The following MCTP1 variants were observed in gnomAD, a reference collection of about 807,000 sequenced individuals.
The protein encoded by MCTP1 is multiple C2 and transmembrane domain-containing protein 1.
Under a neutral mutation model 120.6 loss-of-function variants are expected in MCTP1, and 69 were observed. The ratio of observed to expected loss-of-function variants is 0.57; its 90% CI spans 0.47 to 0.70. The LOEUF (loss-of-function observed/expected upper bound fraction) is 0.70. Among genes scored for constraint, MCTP1 ranks in the 30% least tolerant of loss-of-function variants. The pLI, the probability that MCTP1 is intolerant of heterozygous loss-of-function variation, is 0.00. For missense variants in MCTP1, 1,203 were observed against 1,248.8 expected, an observed-to-expected ratio of 0.96 and a Z score of 0.55; for synonymous variants, 529 against 493.1, an observed-to-expected ratio of 1.07 and a Z score of -0.96.
intron 19 of MCTP1, among the ~76,000 whole-genome samples, chr5:94,767,507 A>G (rs1234209866): frequency 6.6e-6 from 1 of 152,192 alleles, no homozygotes; most frequent in Non-Finnish European, 1.5e-5. Context: ...TTATATATAG[A>G]AAAACCTAAA....
intron 17 of MCTP1, among the ~76,000 whole-genome samples, chr5:94,833,524 T>C (rs1352115415): frequency 3.3e-4 from 51 of 152,300 alleles, no homozygotes; most frequent in Non-Finnish European, 2.9e-5. Flanking sequence ...GGTGGAACCA[T>C]TTTTATATTT....
chr5:95,015,308 C>G (rs146755086), intron 2 of MCTP1, among the ~76,000 whole-genome samples: 1 of 152,062 alleles, frequency 6.6e-6, no homozygotes, highest in East Asian at 1.9e-4. Context: ...TTTCTTATCC[C>G]CTTAGATGAG....
chr5:94,784,714 A>G (rs1777273327), intron 18 of MCTP1: 1 of 152,068 alleles, frequency 6.6e-6, no homozygotes, highest in Non-Finnish European at 1.5e-5. Flanking sequence ...AGTAGTCATC[A>G]AGATAACTGA....
chr5:95,180,204 G>A (rs558150490), intron 1 of MCTP1, among the ~76,000 whole-genome samples: 9 of 152,134 alleles, frequency 5.9e-5, no homozygotes, highest in Admixed American at 1.3e-4. Flanking sequence ...AATAGTGGGG[G>A]ACTTGAATAC....
At position 94,968,469 on chromosome 5, in the gene MCTP1, C is replaced by A. The variant is rs998422887; in HGVS notation, c.839-15108G>T. Among the ~76,000 whole-genome samples, 4 of 152,020 alleles carry A rather than the reference C, an allele frequency of 2.6e-5. No homozygotes were observed. The East Asian group carries it at 7.7e-4, about 29-fold the overall frequency. ...TATATTTCATTATAGGGAAATTACA[C>A]GTTTTCAAGATTATATTATTATTGA... On this transcript the variant is annotated intron_variant, in intron 2 of 22. Transcript: ENST00000515393.
chr5:95,012,378 A>T (rs938162253), intron 2 of MCTP1, among the ~76,000 whole-genome samples: 2 of 152,036 alleles, frequency 1.3e-5, no homozygotes, highest in African/African-American at 4.8e-5. Flanking sequence ...GAGTACATAC[A>T]TTTATGTATA....
At chr5:94,800,575 G>A (rs1360348263) in intron 17 of MCTP1, among the ~76,000 whole-genome samples, 3 of 152,156 alleles carry the variant, frequency 2.0e-5, no homozygotes, top group Admixed American at 2.0e-4. Flanking sequence ...AAGGTTCTGA[G>A]TTTTAGAAAG....
intron 17 of MCTP1, among the ~76,000 whole-genome samples, chr5:94,839,179 C>A (rs1224890439): frequency 6.6e-6 from 1 of 152,152 alleles, no homozygotes; most frequent in East Asian, 1.9e-4. Flanking sequence ...CAGAGAAGTA[C>A]AAAAGGTCGA....
intron 18 of MCTP1, chr5:94,789,053 T>G (rs1438444776): frequency 6.6e-6 from 1 of 152,224 alleles, no homozygotes; most frequent in African/African-American, 2.4e-5. Context: ...CAACCACTTA[T>G]GGGAGCACTA....
At chr5:94,719,243 C>T (rs1397323779) in intron 19 of MCTP1, among the ~76,000 whole-genome samples, 1 of 152,202 alleles carries the variant, frequency 6.6e-6, no homozygotes, top group African/African-American at 2.4e-5. Flanking sequence ...TTGTGGAAGA[C>T]AGTGTGGTGA....
At chr5:95,189,009 A>T (rs898075605) in intron 1 of MCTP1, among the ~76,000 whole-genome samples, 1 of 152,166 alleles carries the variant, frequency 6.6e-6, no homozygotes, top group African/African-American at 2.4e-5. Flanking sequence ...TCAAAATAAA[A>T]AGGTGTATTA....
intron 1 of MCTP1, among the ~76,000 whole-genome samples, chr5:95,186,272 GA>G (rs56789493): frequency 0.21 from 29,893 of 140,258 alleles, 3,013 homozygotes; most frequent in Non-Finnish European, 0.23. Context: ...AAAAAAAAAA[GA>G]AAAAAAAGAA....
In MCTP1 at chr5:94,799,431, C is replaced by A. The variant is rs532717547; in HGVS notation, c.2437-299G>T. The stretch of plus-strand genomic sequence containing the variant: ...CCAGTGAAATTATTGTTAAGTTGAA[C>A]AAAATTTTTAAAAAGCAGCAAAATG... On this transcript the variant is annotated intron_variant, in intron 17 of 22. Coordinates refer to ENST00000515393, the MANE Select transcript of MCTP1 (RefSeq NM_024717.7). Among the ~76,000 whole-genome samples, 32 of 152,148 alleles carry A rather than the reference C, an allele frequency of 2.1e-4. 1 individual carries two copies. Among genetic ancestry groups the A allele is most frequent in the African/African-American group, 7.5e-4 (31 of 41,528 alleles).
intron 2 of MCTP1, among the ~76,000 whole-genome samples, chr5:94,966,019 C>T (rs369934784): frequency 6.6e-6 from 1 of 152,152 alleles, no homozygotes. Flanking sequence ...TTATAGATTA[C>T]TCAGTCCCAA....
At chr5:95,208,758 G>A (rs373108828) in intron 1 of MCTP1, among the ~76,000 whole-genome samples, 2 of 151,300 alleles carry the variant, frequency 1.3e-5, no homozygotes, top group Non-Finnish European at 2.9e-5. Context: ...TAGAACATAT[G>A]TATTATCCTT....
At chr5:95,144,781 T>C (rs1166020676) in intron 1 of MCTP1, among the ~76,000 whole-genome samples, 1 of 152,138 alleles carries the variant, frequency 6.6e-6, no homozygotes, top group Non-Finnish European at 1.5e-5. Flanking sequence ...GTTTTTATAA[T>C]AGTCCCATGC....
chr5:95,006,335 G>A (rs1246485354), intron 2 of MCTP1, among the ~76,000 whole-genome samples: 2 of 151,244 alleles, frequency 1.3e-5, no homozygotes, highest in Non-Finnish European at 2.9e-5. Flanking sequence ...GTATATATAT[G>A]TGTGTATGTG....
At position 94,942,312 on chromosome 5, in the gene MCTP1, C is replaced by G. The variant is rs183845981; in HGVS notation, c.1061+36G>C. 4.7e-6 allele frequency: 7 copies of G among 1,496,910 alleles called. No individual in the cohort carries two copies. In the Admixed American group the frequency reaches 1.2e-4, roughly 25 times the overall value. 92.7% of individuals were successfully genotyped at this position (1,496,910 alleles called of 1,614,324 possible). ...TCTGTTACACAAGCCCACTGCATGACAAGGGGTGGTGATATTACAGCAGTT... is the reference window on the plus strand; with the variant it reads ...TCTGTTACACAAGCCCACTGCATGAGAAGGGGTGGTGATATTACAGCAGTT... On this transcript the variant is annotated intron_variant, in intron 4 of 22. Coordinates refer to ENST00000515393, the MANE Select transcript of MCTP1 (RefSeq NM_024717.7).
rs57011733 is a variant in MCTP1 at position 95,039,878 on chromosome 5, C to CAAAAAAAAAAAAA, written c.721-22407_721-22395dup. ...TTATGAGTCTTCTCAGTACCGTTTG[C>CAAAAAAAAAAAAA]AAAAAAAAAAAAAAAAAAAAAAAAG... On this transcript the variant is annotated intron_variant, in intron 1 of 22. Transcript: ENST00000515393. Among the ~76,000 whole-genome samples the CAAAAAAAAAAAAA allele has an allele frequency of 6.4e-5, 5 of 77,612 alleles. 1 individual carries two copies. Among genetic ancestry groups the CAAAAAAAAAAAAA allele is most frequent in the East Asian group, 4.0e-4 (1 of 2,474 alleles). 50.9% of individuals were successfully genotyped at this position (77,612 alleles called of 152,430 possible). A position where few individuals can be genotyped will look rare whatever the true frequency, so the allele number is the denominator to read the frequency against.
Sources: allele counts gnomAD v4.1 joint callset (sites outside exome capture counted in the v4.1 genomes callset), GRCh38; gene constraint gnomAD v4.1.1; transcripts MANE v1.5; gene names NCBI Gene and HGNC (gene_info 2026-07-23, HGNC 2026-07-21).